Variants in TYW1 observed in about 807,000 individuals in gnomAD.
The protein encoded by TYW1 is S-adenosyl-L-methionine-dependent tRNA 4-demethylwyosine synthase TYW1.
In TYW1, 46 loss-of-function variants were observed where a neutral mutation model predicts 96.2. That is an observed-to-expected ratio of 0.48 (90% CI 0.38 to 0.61). The LOEUF (loss-of-function observed/expected upper bound fraction) is 0.61, where lower values mean the gene tolerates loss of function less well. Ranked by LOEUF, TYW1 falls within the 20% of genes least tolerant of loss-of-function variation. TYW1 has a pLI of 0.00. For missense variants in TYW1, 684 were observed against 909.6 expected, an observed-to-expected ratio of 0.75 and a Z score of 3.19; for synonymous variants, 274 against 323.0, an observed-to-expected ratio of 0.85 and a Z score of 1.63.
At chr7:67,110,061 T>C (rs1383750571) in intron 12 of TYW1, among the ~76,000 whole-genome samples, 1 of 152,152 alleles carries the variant, frequency 6.6e-6, no homozygotes, top group Non-Finnish European at 1.5e-5. Context: ...TTGTCTTTAT[T>C]TGAAGTGACT....
At chr7:67,021,750 G>C (rs191005956) in intron 6 of TYW1, among the ~76,000 whole-genome samples, 2 of 152,200 alleles carry the variant, frequency 1.3e-5, no homozygotes, top group Non-Finnish European at 2.9e-5. Flanking sequence ...ACAGAACCAA[G>C]TTAGCAGTTT....
intron 9 of TYW1, 69 bp from the exon 10 acceptor site, chr7:67,067,216 G>A: frequency 4.0e-6 from 6 of 1,482,982 alleles, no homozygotes; most frequent in Non-Finnish European, 5.7e-6. Context: ...TCTTAAAAAT[G>A]ATGCCTTGGT....
chr7:67,192,928 A>T (rs926983483), intron 14 of TYW1, among the ~76,000 whole-genome samples: 5 of 152,214 alleles, frequency 3.3e-5, no homozygotes, highest in African/African-American at 1.2e-4. Flanking sequence ...AAGTCCTCGG[A>T]CACGCGCAGT....
chr7:67,069,899 T>C (rs1465123138), intron 10 of TYW1, among the ~76,000 whole-genome samples: 2 of 152,218 alleles, frequency 1.3e-5, no homozygotes, highest in African/African-American at 2.4e-5. Context: ...GGACTCCCTT[T>C]AGTATTTATC....
At chr7:67,088,221 G>A (rs34615527) in intron 11 of TYW1, among the ~76,000 whole-genome samples, 1 of 151,904 alleles carries the variant, frequency 6.6e-6, no homozygotes, top group Admixed American at 6.6e-5. Context: ...GTAATTTTGG[G>A]GCCTTGATGA....
At chr7:67,084,588 G>T (rs1796489629) in intron 11 of TYW1, among the ~76,000 whole-genome samples, 1 of 151,540 alleles carries the variant, frequency 6.6e-6, no homozygotes, top group African/African-American at 2.4e-5. Flanking sequence ...TGCCATCTTG[G>T]CTCACTGCAA....
At chr7:67,226,226 AGAT>A (rs958708870) in intron 15 of TYW1, among the ~76,000 whole-genome samples, 1 of 152,192 alleles carries the variant, frequency 6.6e-6, no homozygotes. Flanking sequence ...TTTAAAACAA[AGAT>A]GATAATAGCC....
chr7:67,183,859 G>T (rs1433005117), intron 14 of TYW1, among the ~76,000 whole-genome samples: 4 of 151,818 alleles, frequency 2.6e-5, no homozygotes, highest in African/African-American at 7.3e-5. Context: ...ACAAGGACTT[G>T]CTCTGTCACC....
intron 10 of TYW1, among the ~76,000 whole-genome samples, chr7:67,076,222 C>T (rs945839010): frequency 2.0e-5 from 3 of 152,196 alleles, no homozygotes; most frequent in Non-Finnish European, 2.9e-5. Flanking sequence ...AAACTGGTAA[C>T]AGCAGTAGGG....
At chr7:67,237,272 C>G (rs1424351955) in intron 15 of TYW1, among the ~76,000 whole-genome samples, 2 of 105,518 alleles carry the variant, frequency 1.9e-5, no homozygotes, top group South Asian at 6.0e-4. Flanking sequence ...AGGCCAAGGC[C>G]GGTGGATCAC....
intron 7 of TYW1, among the ~76,000 whole-genome samples, chr7:67,036,335 T>C (rs1794841272): frequency 6.6e-6 from 1 of 152,010 alleles, no homozygotes; most frequent in African/African-American, 2.4e-5. Flanking sequence ...AGACGTTCCA[T>C]AGCGCTCCTC....
In TYW1 at chr7:67,043,115, T is replaced by C. The variant is rs557241926; in HGVS notation, c.985-6834T>C. Among the ~76,000 whole-genome samples, 14 of 152,158 alleles carry C rather than the reference T, an allele frequency of 9.2e-5. No individual in the cohort carries two copies. The South Asian group carries it at 2.9e-3, about 32-fold the overall frequency. On this transcript the variant is annotated intron_variant, in intron 7 of 15. Coordinates refer to ENST00000359626, the MANE Select transcript of TYW1 (RefSeq NM_018264.4). ...CATCTGCAATTTACCATTTAACAGA[T>C]AGCAACTGAGGCTTAGTTTAAGCAA...
At chr7:67,001,257 T>C (rs1170861782) in intron 3 of TYW1, among the ~76,000 whole-genome samples, 1 of 152,158 alleles carries the variant, frequency 6.6e-6, no homozygotes, top group African/African-American at 2.4e-5. Flanking sequence ...TACACAAAAG[T>C]TATTGGCTCT....
chr7:67,046,935 A>G (rs1454713261), intron 7 of TYW1, among the ~76,000 whole-genome samples: 1 of 152,172 alleles, frequency 6.6e-6, no homozygotes, highest in Non-Finnish European at 1.5e-5. Flanking sequence ...TTCATTTTGT[A>G]GGGGACAGAA....
At chr7:67,186,270 C>CCCA (rs1481365838) in intron 14 of TYW1, among the ~76,000 whole-genome samples, 1 of 67,042 alleles carries the variant, frequency 1.5e-5, no homozygotes, top group Non-Finnish European at 2.8e-5. Flanking sequence ...TTTCTTCCCC[C>CCCA]CCGCCCCACC....
At chr7:67,023,153 G>C (rs1402566673) in intron 6 of TYW1, among the ~76,000 whole-genome samples, 2 of 152,020 alleles carry the variant, frequency 1.3e-5, no homozygotes, top group Admixed American at 1.3e-4. Context: ...CTGGAGTGCA[G>C]GGTCACGATC....
chr7:67,228,476 G>A (rs1801636935), intron 15 of TYW1, among the ~76,000 whole-genome samples: 1 of 152,180 alleles, frequency 6.6e-6, no homozygotes, highest in Non-Finnish European at 1.5e-5. Flanking sequence ...TACAATTCAA[G>A]ATGAGATTTG....
At chr7:67,047,604 G>T (rs1424418501) in intron 7 of TYW1, among the ~76,000 whole-genome samples, 2 of 149,666 alleles carry the variant, frequency 1.3e-5, no homozygotes, top group Admixed American at 1.3e-4. Context: ...TAGTAATTTG[G>T]AATGCTGACT....
intron 15 of TYW1, among the ~76,000 whole-genome samples, chr7:67,228,026 T>A (rs1430980326): frequency 6.6e-6 from 1 of 152,248 alleles, no homozygotes; most frequent in Non-Finnish European, 1.5e-5. Context: ...ATGTGTTTTC[T>A]AATCCTCGTT....
Sources: allele counts gnomAD v4.1 joint callset (sites outside exome capture counted in the v4.1 genomes callset), GRCh38; gene constraint gnomAD v4.1.1; transcripts MANE v1.5; gene names NCBI Gene and HGNC (gene_info 2026-07-23, HGNC 2026-07-21).